The following ANKRD36 variants were observed in gnomAD, a reference collection of about 807,000 sequenced individuals.
ANKRD36 encodes the protein ankyrin repeat domain-containing protein 36A.
In ANKRD36, 179 loss-of-function variants were observed where a neutral mutation model predicts 278.1. The observed-to-expected ratio is 0.64, with a 90% confidence interval of 0.57 to 0.73. ANKRD36 has a LOEUF of 0.73. Among genes scored for constraint, ANKRD36 ranks in the 30% least tolerant of loss-of-function variants. The pLI, the probability that ANKRD36 is intolerant of heterozygous loss-of-function variation, is 0.00. For synonymous variants in ANKRD36, 320 were observed against 641.1 expected (o/e 0.50, Z 7.57); for missense variants, 1,159 against 1,956.7 (o/e 0.59, Z 7.69).
intron 22 of ANKRD36, among the ~76,000 whole-genome samples, chr2:97,177,497 A>C (rs1385514028): frequency 6.6e-6 from 1 of 152,008 alleles, no homozygotes; most frequent in Non-Finnish European, 1.5e-5. Flanking sequence ...TCAATGGAAC[A>C]GAACGGAGAC....
Position 97,205,873 on chromosome 2 carries a change from G to T in ANKRD36, c.3062-67G>T. The T allele has an allele frequency of 2.2e-5, 33 of 1,492,066 alleles. No homozygotes were observed. In the South Asian group the frequency reaches 4.0e-4, roughly 18 times the overall value. The allele number at this position is 1,492,066 out of a possible 1,614,324, so 92.4% of individuals were successfully genotyped here. A position where few individuals can be genotyped will look rare whatever the true frequency, so the allele number is the denominator to read the frequency against. ...GAGGACAGAGGTTGATGCTAACTCT[G>T]CTTGAATGTATGGATATCTTTATCA... On this transcript the variant is annotated intron_variant, in intron 50 of 75. Transcript: ENST00000420699.
intron 22 of ANKRD36, among the ~76,000 whole-genome samples, chr2:97,171,376 A>G (rs1249842065): frequency 4.1e-5 from 6 of 148,000 alleles, no homozygotes; most frequent in African/African-American, 2.5e-5. Flanking sequence ...CAGCCATAAA[A>G]AATGATGAGT....
chr2:97,125,391 A>G (rs1195746606), intron 5 of ANKRD36, among the ~76,000 whole-genome samples: 1 of 125,278 alleles, frequency 8.0e-6, no homozygotes, highest in Non-Finnish European at 1.7e-5. Flanking sequence ...GCAAATTGAC[A>G]CTTTCACCCA....
chr2:97,181,706 T>C lies in ANKRD36; in HGVS notation c.1765-15T>C, dbSNP rs781417527. On this transcript the variant is annotated splice_polypyrimidine_tract_variant and intron_variant, in intron 25 of 75. Coordinates refer to ENST00000420699, the MANE Select transcript of ANKRD36 (RefSeq NM_001354587.1). ...TACTTTACATATTGATTATTTTGTT[T>C]CAAATCCCATTCAGGCTACAAGTGA... is the stretch of plus-strand genomic sequence containing the variant. The C allele has an allele frequency of 5.0e-6, 8 of 1,607,894 alleles. No individual in the cohort carries two copies. The highest frequency in any genetic ancestry group is 6.8e-6 in the Non-Finnish European group (8 of 1,178,300).
rs1218416120 is a variant in ANKRD36 at position 97,185,476 on chromosome 2, T to C, written c.2007T>C (p.Ala669=). Residue 669 remains alanine, a synonymous_variant, in exon 30 of 76, where the codon GCT becomes GCC. Coordinates refer to ENST00000420699, the MANE Select transcript of ANKRD36 (RefSeq NM_001354587.1). ...AGACAGATTCTGCTTTGAATATAGC[T>C]ACAGAAATAAAGGATGGACTACAGT... ...SDKTDSALNI[A]TEIKDGLQCG... 6.2e-7 allele frequency: 1 copy of C among 1,611,044 alleles called. No individual in the cohort carries two copies. The highest frequency in any genetic ancestry group is 8.5e-7 in the Non-Finnish European group (1 of 1,178,648).
chr2:97,147,268 T>C (rs1291942631), intron 11 of ANKRD36, among the ~76,000 whole-genome samples: 1 of 151,916 alleles, frequency 6.6e-6, no homozygotes, highest in Non-Finnish European at 1.5e-5. Context: ...TCTTATTTTG[T>C]GGATTCTTCT....
chr2:97,188,254 T>TTATG (rs574057052), intron 32 of ANKRD36, among the ~76,000 whole-genome samples: 93 of 151,842 alleles, frequency 6.1e-4, no homozygotes, highest in African/African-American at 1.9e-3. Flanking sequence ...AGAACAAAAA[T>TTATG]TATGTTGAAT....
chr2:97,228,742 TG>T (rs1379850340), intron 67 of ANKRD36, among the ~76,000 whole-genome samples: 1 of 151,426 alleles, frequency 6.6e-6, no homozygotes, highest in African/African-American at 2.4e-5. Context: ...GTGTCAATTT[TG>T]GATCTTTCCT....
At chr2:97,200,991 C>T (rs1324903097) in intron 46 of ANKRD36, among the ~76,000 whole-genome samples, 1 of 151,842 alleles carries the variant, frequency 6.6e-6, no homozygotes, top group Non-Finnish European at 1.5e-5. Flanking sequence ...GATTGTGAGG[C>T]AGGAAGGTGG....
intron 6 of ANKRD36, among the ~76,000 whole-genome samples, chr2:97,128,120 G>C (rs1035266546): frequency 6.6e-6 from 1 of 151,580 alleles, no homozygotes; most frequent in Non-Finnish European, 1.5e-5. Flanking sequence ...ACTGAATGGA[G>C]AAGTACAGCT....
intron 20 of ANKRD36, among the ~76,000 whole-genome samples, chr2:97,165,714 CT>C (rs2050448333): frequency 6.6e-6 from 1 of 151,872 alleles, no homozygotes; most frequent in Non-Finnish European, 1.5e-5. Context: ...TAAAGAAATG[CT>C]CTATAATGCC....
chr2:97,185,175 T>A (rs2057131686), intron 28 of ANKRD36, 141 bp from the exon 29 acceptor site: 1 of 1,187,210 alleles, frequency 8.4e-7, no homozygotes, highest in South Asian at 1.4e-5. Flanking sequence ...TTTCTGGTCA[T>A]GTTCCAGTCC....
At chr2:97,143,384 T>C (rs1242720496) in intron 8 of ANKRD36, among the ~76,000 whole-genome samples, 1 of 152,092 alleles carries the variant, frequency 6.6e-6, no homozygotes, top group Non-Finnish European at 1.5e-5. Context: ...TTCAGATGCA[T>C]TTGGAATATT....
intron 9 of ANKRD36, 45 bp from the exon 10 acceptor site, chr2:97,144,595 G>A (rs71429339): frequency 1.9e-6 from 3 of 1,566,170 alleles, no homozygotes; most frequent in Middle Eastern, 1.9e-4. Context: ...ATAGTCTATG[G>A]AATATACTGT....
intron 15 of ANKRD36, among the ~76,000 whole-genome samples, chr2:97,155,223 C>A (rs2047164832): frequency 7.0e-6 from 1 of 142,388 alleles, no homozygotes; most frequent in African/African-American, 2.4e-5. Flanking sequence ...TCTTGTACAC[C>A]TATTTTAACA....
Position 97,204,006 on chromosome 2 carries a change from A to C in ANKRD36, c.2960-62A>C. 1.9e-5 allele frequency: 30 copies of C among 1,538,670 alleles called. No individual in the cohort carries two copies. The South Asian group carries it at 2.8e-4, about 14-fold the overall frequency. ...CAGAGGCTGATGCTAACACTGCATGAATGTATGGATAATTTTGTCATTTTT... is the reference window on the plus strand; with the variant it reads ...CAGAGGCTGATGCTAACACTGCATGCATGTATGGATAATTTTGTCATTTTT... On this transcript the variant is annotated intron_variant, in intron 48 of 75. Transcript: ENST00000420699.
At position 97,196,707 on chromosome 2, in the gene ANKRD36, T is replaced by C. The variant is rs1162040877; in HGVS notation, c.2581-9T>C. The C allele has an allele frequency of 1.3e-6, 2 of 1,569,450 alleles. No homozygotes were observed. The highest frequency in any genetic ancestry group is 4.8e-5 in the East Asian group (2 of 41,780). On this transcript the variant is annotated splice_polypyrimidine_tract_variant and intron_variant, in intron 41 of 75. Coordinates refer to ENST00000420699, the MANE Select transcript of ANKRD36 (RefSeq NM_001354587.1). ...ATTTATTTATTATTTCGTTTCAAAT[T>C]CCATTCAGGGTACAAGTGACGAGGA...
At chr2:97,139,574 C>T (rs191173346) in intron 6 of ANKRD36, among the ~76,000 whole-genome samples, 3 of 152,104 alleles carry the variant, frequency 2.0e-5, no homozygotes, top group East Asian at 1.9e-4. Flanking sequence ...ATGCTCTCTT[C>T]GTGTTGATAC....
intron 50 of ANKRD36, 51 bp from the exon 51 acceptor site, chr2:97,205,889 A>G (rs13400545): frequency 0.11 from 161,361 of 1,511,664 alleles, 10,094 homozygotes; most frequent in Middle Eastern, 0.2. Context: ...ATGTATGGAT[A>G]TCTTTATCAT....
Sources: gnomAD v4.1 joint callset for allele counts (sites outside exome capture counted in the v4.1 genomes callset) on GRCh38, gnomAD v4.1.1 for gene constraint, MANE v1.5 for transcripts, NCBI Gene and HGNC (gene_info 2026-07-23, HGNC 2026-07-21) for gene names.